KCNMA1: variants seen among roughly 807,000 people sequenced by gnomAD.
KCNMA1 encodes potassium calcium-activated channel subfamily M alpha 1.
In KCNMA1, 29 loss-of-function variants were observed where a neutral mutation model predicts 140.0. That is an observed-to-expected ratio of 0.21 (90% CI 0.15 to 0.28). KCNMA1 has a LOEUF of 0.28. Ranked by LOEUF, KCNMA1 falls within the 10% of genes least tolerant of loss-of-function variation. The pLI is 1.00. For missense variants in KCNMA1, 880 were observed against 1,602.2 expected, an observed-to-expected ratio of 0.55 and a Z score of 7.70; for synonymous variants, 612 against 611.9, an observed-to-expected ratio of 1.00 and a Z score of 0.00.
chr10:77,636,815 T>C, intron 1 of KCNMA1: 3 of 1,442,050 alleles, frequency 2.1e-6, no homozygotes, highest in South Asian at 1.5e-5. Flanking sequence ...AACAGGTTCC[T>C]AAAGTATGGG....
chr10:77,231,201 T>C (rs1258053363), intron 3 of KCNMA1, among the ~76,000 whole-genome samples: 1 of 152,216 alleles, frequency 6.6e-6, no homozygotes, highest in East Asian at 1.9e-4. Context: ...TTATGTGTGA[T>C]GGACATGTCG....
intron 2 of KCNMA1, chr10:77,304,272 A>G (rs1396235196): frequency 6.6e-6 from 1 of 152,216 alleles, no homozygotes; most frequent in African/African-American, 2.4e-5. Flanking sequence ...AGATTAGAAG[A>G]ATAATATTAT....
chr10:77,572,569 C>CATATATATATAT (rs56706119), intron 1 of KCNMA1, among the ~76,000 whole-genome samples: 765 of 37,468 alleles, frequency 0.02, 68 homozygotes, highest in African/African-American at 0.03. Context: ...AAAAAAAATC[C>CATATATATATAT]ATATATATAT....
At chr10:77,148,696 T>C (rs984733071) in intron 5 of KCNMA1, among the ~76,000 whole-genome samples, 4 of 152,204 alleles carry the variant, frequency 2.6e-5, no homozygotes, top group African/African-American at 9.6e-5. Context: ...GCACAATCTC[T>C]ATTGCAAGTG....
At chr10:77,348,151 C>T (rs1439409530) in intron 2 of KCNMA1, among the ~76,000 whole-genome samples, 3 of 152,174 alleles carry the variant, frequency 2.0e-5, no homozygotes, top group African/African-American at 4.8e-5. Flanking sequence ...TACTACAGGA[C>T]ATCTATGGTC....
intron 5 of KCNMA1, chr10:77,147,828 T>G (rs1245695856): frequency 6.6e-6 from 1 of 152,208 alleles, no homozygotes; most frequent in Non-Finnish European, 1.5e-5. Flanking sequence ...GGTTTGATTA[T>G]TGAGACTTTT....
chr10:76,896,143 T>C (rs2042401632), intron 25 of KCNMA1, among the ~76,000 whole-genome samples: 1 of 152,044 alleles, frequency 6.6e-6, no homozygotes, highest in Middle Eastern at 3.2e-3. Flanking sequence ...GGCCAGGGAG[T>C]GTTTCATCCC....
chr10:77,113,014 T>C (rs1459910268), intron 6 of KCNMA1, among the ~76,000 whole-genome samples: 1 of 152,208 alleles, frequency 6.6e-6, no homozygotes, highest in Non-Finnish European at 1.5e-5. Flanking sequence ...TAATGCTATT[T>C]AATATGCAGA....
In KCNMA1 at chr10:77,506,707, C is replaced by CGAGA. The variant is rs140333440; in HGVS notation, c.379-102688_379-102685dup. On this transcript the variant is annotated intron_variant, in intron 1 of 27. Transcript: ENST00000286628. Reference sequence around the variant, plus strand: ...GAGAGAGAGGGAAAGAGAGATGTTCCGAGAGAGAGAGAGAGAGAGTGTGTG... The same window carrying CGAGA: ...GAGAGAGAGGGAAAGAGAGATGTTCCGAGAGAGAGAGAGAGAGAGAGAGTGTGTG... Among the ~76,000 whole-genome samples, 84 of 42,132 alleles carry CGAGA rather than the reference C, an allele frequency of 2.0e-3. 3 individuals are homozygous for CGAGA. The highest frequency in any genetic ancestry group is 0.019 in the East Asian group (31 of 1,672). 27.6% of individuals were successfully genotyped at this position (42,132 alleles called of 152,430 possible).
chr10:77,196,195 G>A (rs1330108014), intron 3 of KCNMA1, among the ~76,000 whole-genome samples: 1 of 152,058 alleles, frequency 6.6e-6, no homozygotes, highest in Non-Finnish European at 1.5e-5. Context: ...CCAGGAAGCC[G>A]ATTTCTTAGG....
chr10:76,985,102 T>C (rs565572283), intron 19 of KCNMA1, among the ~76,000 whole-genome samples: 3 of 152,360 alleles, frequency 2.0e-5, no homozygotes, highest in Admixed American at 6.5e-5. Context: ...GCTGCTGTTA[T>C]ACGTAAGAAT....
intron 29 of KCNMA1, chr10:76,877,971 T>A: frequency 6.9e-7 from 1 of 1,444,718 alleles, no homozygotes; most frequent in East Asian, 2.4e-5. Flanking sequence ...CTTTGGAAAG[T>A]TCATTGAAAA....
intron 5 of KCNMA1, among the ~76,000 whole-genome samples, chr10:77,163,290 C>A (rs930404248): frequency 1.3e-5 from 2 of 152,190 alleles, no homozygotes; most frequent in African/African-American, 4.8e-5. Context: ...TATTGGGACA[C>A]AGCTATGTCC....
At chr10:77,587,968 A>C in intron 1 of KCNMA1, 1 of 574,446 alleles carries the variant, frequency 1.7e-6, no homozygotes. Flanking sequence ...AATACTGCAA[A>C]GCACTCTATT....
At chr10:77,434,684 G>C (rs1475896229) in intron 1 of KCNMA1, among the ~76,000 whole-genome samples, 1 of 152,164 alleles carries the variant, frequency 6.6e-6, no homozygotes, top group African/African-American at 2.4e-5. Context: ...CCGGTGTCGA[G>C]CACTGGAAAT....
chr10:77,302,243 G>A (rs1463122140), intron 2 of KCNMA1, among the ~76,000 whole-genome samples: 1 of 152,148 alleles, frequency 6.6e-6, no homozygotes, highest in East Asian at 1.9e-4. Flanking sequence ...TCCAGACCTG[G>A]GAAAGGGGCT....
intron 5 of KCNMA1, among the ~76,000 whole-genome samples, chr10:77,131,852 C>T (rs903456956): frequency 3.3e-5 from 5 of 151,242 alleles, no homozygotes; most frequent in African/African-American, 9.7e-5. Flanking sequence ...GTAATCCCAG[C>T]TACTTGGGAG....
intron 1 of KCNMA1, among the ~76,000 whole-genome samples, chr10:77,452,870 T>G (rs1376845194): frequency 6.6e-6 from 1 of 152,304 alleles, no homozygotes; most frequent in Non-Finnish European, 1.5e-5. Flanking sequence ...GGATCCTCCC[T>G]AATCAAGATG....
chr10:77,560,871 C>G (rs1226437183), intron 1 of KCNMA1, among the ~76,000 whole-genome samples: 1 of 152,168 alleles, frequency 6.6e-6, no homozygotes, highest in Non-Finnish European at 1.5e-5. Context: ...AAACTTGGAG[C>G]CTTCTTCAAG....
Sources: allele counts gnomAD v4.1 joint callset (sites outside exome capture counted in the v4.1 genomes callset), GRCh38; gene constraint gnomAD v4.1.1; transcripts MANE v1.5; gene names NCBI Gene and HGNC (gene_info 2026-07-23, HGNC 2026-07-21).